The following CD47 variants were observed in gnomAD, a reference collection of about 807,000 sequenced individuals.
CD47 encodes leukocyte surface antigen CD47.
Under a neutral mutation model 44.6 loss-of-function variants are expected in CD47, and 11 were observed. The observed-to-expected ratio is 0.25, with a 90% confidence interval of 0.16 to 0.41. The LOEUF is 0.41. Among genes scored for constraint, CD47 ranks in the 10% least tolerant of loss-of-function variants. CD47 has a pLI of 1.00. For synonymous variants in CD47, 140 were observed against 136.3 expected (o/e 1.03, Z -0.19); for missense variants, 306 against 386.7 (o/e 0.79, Z 1.75).
intron 2 of CD47, among the ~76,000 whole-genome samples, chr3:108,072,618 A>G (rs1201694875): frequency 6.6e-6 from 1 of 152,102 alleles, no homozygotes; most frequent in Non-Finnish European, 1.5e-5. Context: ...ATGTTTTTGG[A>G]TACTCCAAAT....
At position 108,080,010 on chromosome 3, in the gene CD47, G is replaced by A. The variant is rs777288181; in HGVS notation, c.381C>T (p.Ile127=). The change falls in exon 2 of 11, where the codon ATC becomes ATT. Residue 127 remains isoleucine, a synonymous_variant. Transcript: ENST00000361309. Reference sequence around the variant, plus strand: ...TCTTACCAACACGATATTTTAGCTCGATGATCGTTTCACCTTCTCTGGTTA... The same window carrying A: ...TCTTACCAACACGATATTTTAGCTCAATGATCGTTTCACCTTCTCTGGTTA... ...TELTREGETI[I]ELKYRVVSWF... is the part of the protein sequence containing the mutation. 2.1e-5 allele frequency: 34 copies of A among 1,607,028 alleles called. No individual in the cohort carries two copies. Among genetic ancestry groups the A allele is most frequent in the African/African-American group, 6.7e-5 (5 of 74,542 alleles).
chr3:108,048,371 GTTTTTTTTTTT>G (rs146476512), intron 10 of CD47, among the ~76,000 whole-genome samples: 19 of 79,582 alleles, frequency 2.4e-4, no homozygotes, highest in African/African-American at 8.5e-4. Context: ...TGACTGGAGT[GTTTTTTTTTTT>G]TTTTTTTTTT....
intron 2 of CD47, among the ~76,000 whole-genome samples, chr3:108,073,871 TCA>T (rs2108257480): frequency 6.6e-6 from 1 of 152,138 alleles, no homozygotes; most frequent in East Asian, 1.9e-4. Context: ...AGTCCTGAGC[TCA>T]GTTTTACTCA....
chr3:108,070,502 C>G (rs1245481241), intron 3 of CD47, among the ~76,000 whole-genome samples: 1 of 152,182 alleles, frequency 6.6e-6, no homozygotes, highest in African/African-American at 2.4e-5. Context: ...AATGCAGCAT[C>G]AAGATCTGCC....
chr3:108,063,415 T>G (rs2079053753), intron 3 of CD47, among the ~76,000 whole-genome samples: 1 of 152,202 alleles, frequency 6.6e-6, no homozygotes, highest in South Asian at 2.1e-4. Flanking sequence ...TGGCTCATTT[T>G]CTTTGCTCAC....
chr3:108,079,850 T>A, intron 2 of CD47, 141 bp downstream of exon 2: 1 of 586,052 alleles, frequency 1.7e-6, no homozygotes, highest in Non-Finnish European at 3.1e-6. Context: ...ATCTTAAACT[T>A]GCTAAACATT....
intron 7 of CD47, chr3:108,055,664 CATAAATTTTAGCATATAGT>C: frequency 3.3e-6 from 2 of 614,368 alleles, no homozygotes; most frequent in South Asian, 3.1e-5. Flanking sequence ...AAACATATAG[CATAAATTTTAGCATATAGT>C]ATACTTATAT....
At chr3:108,085,298 C>A (rs2079498670) in intron 1 of CD47, among the ~76,000 whole-genome samples, 1 of 152,092 alleles carries the variant, frequency 6.6e-6, no homozygotes, top group Non-Finnish European at 1.5e-5. Context: ...AAGGGGTCGA[C>A]CCTAGTTTAA....
At chr3:108,050,697 G>A (rs2078811413) in intron 8 of CD47, 95 bp from the exon 9 acceptor site, 1 of 529,650 alleles carries the variant, frequency 1.9e-6, no homozygotes, top group Non-Finnish European at 3.4e-6. Flanking sequence ...AAATTACGTA[G>A]TAAGCAGTAA....
intron 3 of CD47, among the ~76,000 whole-genome samples, chr3:108,069,829 A>T (rs1319012794): frequency 6.6e-6 from 1 of 152,196 alleles, no homozygotes; most frequent in African/African-American, 2.4e-5. Flanking sequence ...TATGGTTAAA[A>T]GCTTTCCCTA....
At position 108,080,011 on chromosome 3, in the gene CD47, A is replaced by G. The variant is rs199751577; in HGVS notation, c.380T>C (p.Ile127Thr). 543 of 1,608,136 alleles carry G rather than the reference A, an allele frequency of 3.4e-4. No homozygotes were observed. The highest frequency in any genetic ancestry group is 4.5e-4 in the Non-Finnish European group (526 of 1,176,284). ...CTTACCAACACGATATTTTAGCTCG[A>G]TGATCGTTTCACCTTCTCTGGTTAA... is the stretch of plus-strand genomic sequence containing the variant. ...TELTREGETIIELKYRVVSWF... is the reference protein window; with the variant it reads ...TELTREGETITELKYRVVSWF... The change falls in exon 2 of 11, where the codon ATC becomes ACC. Residue 127 changes from isoleucine to threonine, a missense_variant. Coordinates refer to ENST00000361309, the MANE Select transcript of CD47 (RefSeq NM_001777.4).
At chr3:108,050,267 A>G (rs536269593) in intron 9 of CD47, among the ~76,000 whole-genome samples, 2 of 152,146 alleles carry the variant, frequency 1.3e-5, no homozygotes, top group East Asian at 3.9e-4. Context: ...GCAGATACAC[A>G]CCACCATGCC....
intron 1 of CD47, among the ~76,000 whole-genome samples, chr3:108,085,244 C>T (rs946697325): frequency 6.6e-6 from 1 of 152,054 alleles, no homozygotes; most frequent in African/African-American, 2.4e-5. Context: ...TACACTATTA[C>T]CCCACTGAGT....
At chr3:108,088,607 C>G (rs1424859672) in intron 1 of CD47, among the ~76,000 whole-genome samples, 1 of 151,602 alleles carries the variant, frequency 6.6e-6, no homozygotes, top group East Asian at 1.9e-4. Flanking sequence ...TTTATTTAAT[C>G]ATATGTACCC....
intron 7 of CD47, chr3:108,054,371 GAAT>G (rs2078879196): frequency 6.6e-6 from 1 of 152,140 alleles, no homozygotes; most frequent in Non-Finnish European, 1.5e-5. Context: ...GATTTATGAA[GAAT>G]GGTACTTCAA....
chr3:108,065,811 C>CAAAAAAAA (rs58021560), intron 3 of CD47, among the ~76,000 whole-genome samples: 29 of 61,164 alleles, frequency 4.7e-4, no homozygotes, highest in Non-Finnish European at 6.5e-4. Flanking sequence ...GACTCCGTCT[C>CAAAAAAAA]AAAAAAAAAA....
At chr3:108,055,310 C>T (rs959078314) in intron 7 of CD47, among the ~76,000 whole-genome samples, 17 of 152,204 alleles carry the variant, frequency 1.1e-4, no homozygotes, top group Admixed American at 5.9e-4. Context: ...TAAATCAAAA[C>T]ACAATCATTA....
intron 3 of CD47, among the ~76,000 whole-genome samples, chr3:108,062,642 C>CTT (rs774152967): frequency 5.1e-5 from 7 of 138,108 alleles, no homozygotes; most frequent in Admixed American, 7.3e-5. Context: ...TTTTTCTTTT[C>CTT]TTTTTTTTTT....
At chr3:108,067,401 T>C (rs1394924953) in intron 3 of CD47, among the ~76,000 whole-genome samples, 2 of 152,242 alleles carry the variant, frequency 1.3e-5, no homozygotes, top group Non-Finnish European at 2.9e-5. Context: ...AAAGAACAGA[T>C]AGGCCTATCT....
Sources: allele counts gnomAD v4.1 joint callset (sites outside exome capture counted in the v4.1 genomes callset), GRCh38; gene constraint gnomAD v4.1.1; transcripts MANE v1.5; gene names NCBI Gene and HGNC (gene_info 2026-07-23, HGNC 2026-07-21).